Variants in DLGAP1 observed in about 807,000 individuals in gnomAD.
The protein encoded by DLGAP1 is DLG associated protein 1.
Under a neutral mutation model 90.8 loss-of-function variants are expected in DLGAP1, and 11 were observed. That is an observed-to-expected ratio of 0.12 (90% CI 0.08 to 0.20). The LOEUF (loss-of-function observed/expected upper bound fraction) is 0.20, where lower values mean the gene tolerates loss of function less well. Ranked by LOEUF, DLGAP1 falls within the 10% of genes least tolerant of loss-of-function variation. The probability of loss-of-function intolerance (pLI) is 1.00; values close to 1 mark genes in which losing one functional copy is unlikely to be tolerated. For missense variants in DLGAP1, 1,050 were observed against 1,333.8 expected, an observed-to-expected ratio of 0.79 and a Z score of 3.31; for synonymous variants, 558 against 540.7, an observed-to-expected ratio of 1.03 and a Z score of -0.44.
At chr18:4,156,905 G>A (rs2076766275) in intron 1 of DLGAP1, among the ~76,000 whole-genome samples, 1 of 152,166 alleles carries the variant, frequency 6.6e-6, no homozygotes. Flanking sequence ...CAGCTGAGGA[G>A]GAACATTTCT....
intron 7 of DLGAP1, among the ~76,000 whole-genome samples, chr18:3,646,843 T>C (rs1238423336): frequency 6.6e-6 from 1 of 152,102 alleles, no homozygotes. Flanking sequence ...GAGAATGGCT[T>C]GAACCCGGGA....
chr18:3,738,901 T>C (rs1412623514), intron 6 of DLGAP1, among the ~76,000 whole-genome samples: 2 of 147,222 alleles, frequency 1.4e-5, no homozygotes, highest in African/African-American at 5.0e-5. Flanking sequence ...ATATCCAGAA[T>C]CTACAATGAA....
intron 1 of DLGAP1, among the ~76,000 whole-genome samples, chr18:4,288,073 A>T (rs61226563): frequency 0.052 from 4,785 of 91,900 alleles, 177 homozygotes; most frequent in African/African-American, 0.14. Flanking sequence ...CAAATTTTTT[A>T]TTATTATACT....
intron 2 of DLGAP1, among the ~76,000 whole-genome samples, chr18:4,090,487 G>T (rs991575992): frequency 6.6e-6 from 1 of 152,186 alleles, no homozygotes; most frequent in African/African-American, 2.4e-5. Context: ...ACAAACATAT[G>T]AAAAGAAGCT....
At chr18:4,312,947 A>G (rs1343830015) in intron 1 of DLGAP1, among the ~76,000 whole-genome samples, 3 of 152,198 alleles carry the variant, frequency 2.0e-5, no homozygotes, top group Non-Finnish European at 4.4e-5. Flanking sequence ...GTGCCAGGAC[A>G]TGCACACACA....
At chr18:4,028,502 C>T (rs1159548833) in intron 2 of DLGAP1, among the ~76,000 whole-genome samples, 1 of 152,146 alleles carries the variant, frequency 6.6e-6, no homozygotes, top group Non-Finnish European at 1.5e-5. Flanking sequence ...TAAACAGAAA[C>T]TTGCTTAATA....
At position 3,775,938 on chromosome 18, in the gene DLGAP1, G is replaced by C. The variant is rs1268377888; in HGVS notation, c.1173-33426C>G. On this transcript the variant is annotated intron_variant, in intron 5 of 12. Coordinates refer to ENST00000315677, the MANE Select transcript of DLGAP1 (RefSeq NM_004746.4). The surrounding 1 kb of genome is among the most constrained non-coding windows in gnomAD (Gnocchi z 4.9). ...TAAATGATGTCTAGATCTAGTAAAT[G>C]GTAAAGGTGCAGCTTGAACTCACGT... Among the ~76,000 whole-genome samples the C allele has an allele frequency of 1.3e-5, 2 of 152,076 alleles. No individual in the cohort carries two copies. Among genetic ancestry groups the C allele is most frequent in the African/African-American group, 2.4e-5 (1 of 41,406 alleles).
chr18:3,897,292 G>GAT (rs1310664548), intron 3 of DLGAP1, among the ~76,000 whole-genome samples: 3 of 152,296 alleles, frequency 2.0e-5, no homozygotes, highest in Admixed American at 2.0e-4. Flanking sequence ...CCACTACCAA[G>GAT]ACCTGTAGAT....
chr18:3,626,594 T>TA (rs1555606655), intron 7 of DLGAP1, among the ~76,000 whole-genome samples: 8,696 of 130,458 alleles, frequency 0.067, 889 homozygotes, highest in African/African-American at 0.21. Context: ...AAGAACCTGT[T>TA]AAAAAAAAAA....
chr18:3,582,861 C>T (rs1599362664), intron 7 of DLGAP1, among the ~76,000 whole-genome samples: 1 of 131,876 alleles, frequency 7.6e-6, no homozygotes, highest in African/African-American at 2.9e-5. Context: ...CCCTCCCTCC[C>T]TCCTTCCTTC....
intron 4 of DLGAP1, among the ~76,000 whole-genome samples, chr18:3,861,720 A>C (rs568490317): frequency 7.9e-5 from 12 of 152,338 alleles, no homozygotes; most frequent in African/African-American, 2.9e-4. Context: ...GTGCAATCTC[A>C]GCAGTTCTGC....
At chr18:3,845,389 G>C (rs1194649916) in intron 4 of DLGAP1, 1 of 1,434,888 alleles carries the variant, frequency 7.0e-7, no homozygotes. Context: ...ACAGGACTTG[G>C]GGGTGGGGGG....
chr18:3,827,365 T>C (rs985891359), intron 4 of DLGAP1, among the ~76,000 whole-genome samples: 7 of 152,158 alleles, frequency 4.6e-5, no homozygotes, highest in Non-Finnish European at 1.0e-4. Context: ...AAAGGGTGTG[T>C]TGTCGGTCCT....
intron 2 of DLGAP1, among the ~76,000 whole-genome samples, chr18:4,135,843 C>T (rs1204102513): frequency 7.0e-6 from 1 of 142,474 alleles, no homozygotes; most frequent in Admixed American, 7.3e-5. Flanking sequence ...ATACCTACCA[C>T]ATTTTCTTTT....
intron 1 of DLGAP1, among the ~76,000 whole-genome samples, chr18:4,244,607 G>A (rs966312248): frequency 2.4e-4 from 36 of 152,138 alleles, no homozygotes; most frequent in Non-Finnish European, 2.9e-5. Flanking sequence ...GTCATTCTTC[G>A]TTGATTCTAT....
intron 1 of DLGAP1, among the ~76,000 whole-genome samples, chr18:4,239,927 T>C (rs1281975543): frequency 6.6e-6 from 1 of 152,210 alleles, no homozygotes; most frequent in Non-Finnish European, 1.5e-5. Context: ...CTTAATATAA[T>C]TTCCTCCCCA....
intron 1 of DLGAP1, among the ~76,000 whole-genome samples, chr18:4,245,885 C>T (rs1242356275): frequency 6.6e-6 from 1 of 152,170 alleles, no homozygotes; most frequent in Non-Finnish European, 1.5e-5. Flanking sequence ...ATCTTGGGGA[C>T]AGGGCCCCGA....
At chr18:4,162,496 G>A (rs73369070) in intron 1 of DLGAP1, among the ~76,000 whole-genome samples, 4,764 of 152,188 alleles carry the variant, frequency 0.031, 247 homozygotes, top group African/African-American at 0.11. Flanking sequence ...ATCATTGTGT[G>A]CACCTACTAA....
intron 3 of DLGAP1, among the ~76,000 whole-genome samples, chr18:3,967,938 T>A (rs1403654700): frequency 6.6e-6 from 1 of 152,124 alleles, no homozygotes; most frequent in Admixed American, 6.5e-5. Context: ...ATACTTCCCT[T>A]CTTAGGACTC....
Sources: allele counts gnomAD v4.1 joint callset (sites outside exome capture counted in the v4.1 genomes callset), GRCh38; gene constraint gnomAD v4.1.1; non-coding constraint Gnocchi (gnomAD v3.1); transcripts MANE v1.5; gene names NCBI Gene and HGNC (gene_info 2026-07-23, HGNC 2026-07-21).